The following PLPPR1 variants were observed in gnomAD, a reference collection of about 807,000 sequenced individuals.
PLPPR1 encodes phospholipid phosphatase related 1, also known as phospholipid phosphatase-related protein type 1.
In PLPPR1, 10 loss-of-function variants were observed where a neutral mutation model predicts 33.1. The observed-to-expected ratio is 0.30, with a 90% CI of 0.19 to 0.51. The LOEUF (loss-of-function observed/expected upper bound fraction) is 0.51, where lower values mean the gene tolerates loss of function less well. PLPPR1 is among the 20% of genes least tolerant of loss of function. The probability of loss-of-function intolerance (pLI) is 0.97; values close to 1 mark genes in which losing one functional copy is unlikely to be tolerated. For synonymous variants in PLPPR1, 151 were observed against 151.0 expected (o/e 1.00, Z 0.00); for missense variants, 304 against 408.1 (o/e 0.74, Z 2.20).
At chr9:101,238,293 CTATA>C (rs1307945596) in intron 2 of PLPPR1, among the ~76,000 whole-genome samples, 1 of 130,350 alleles carries the variant, frequency 7.7e-6, no homozygotes, top group South Asian at 2.5e-4. Flanking sequence ...TATACATACC[CTATA>C]TATATATAGG....
At chr9:101,164,390 T>C (rs1825819500) in intron 1 of PLPPR1, among the ~76,000 whole-genome samples, 2 of 150,460 alleles carry the variant, frequency 1.3e-5, no homozygotes, top group Non-Finnish European at 3.0e-5. Context: ...TGAGACAGTG[T>C]CTTGCTCTGT....
At chr9:101,287,261 T>C (rs891541382) in intron 4 of PLPPR1, among the ~76,000 whole-genome samples, 1 of 152,214 alleles carries the variant, frequency 6.6e-6, no homozygotes, top group Admixed American at 6.5e-5. Context: ...TTGCAGATTA[T>C]GCAAGTTTGC....
At chr9:101,082,344 T>A (rs555238360) in intron 1 of PLPPR1, among the ~76,000 whole-genome samples, 1 of 152,220 alleles carries the variant, frequency 6.6e-6, no homozygotes, top group East Asian at 1.9e-4. Context: ...TTGGGGGTAA[T>A]TTTTTTCTCT....
chr9:101,110,775 T>C (rs10819903), intron 1 of PLPPR1, among the ~76,000 whole-genome samples: 61,393 of 151,922 alleles, frequency 0.4, 13,183 homozygotes, highest in East Asian at 0.77. Flanking sequence ...AAAATATAGG[T>C]GTTTGCTTTT....
intron 2 of PLPPR1, among the ~76,000 whole-genome samples, chr9:101,239,550 A>G (rs1243214329): frequency 6.6e-6 from 1 of 152,030 alleles, no homozygotes; most frequent in African/African-American, 2.4e-5. Flanking sequence ...AAAAAACAGT[A>G]ACAGTTCCTT....
At chr9:101,198,891 A>G (rs911700210) in intron 2 of PLPPR1, among the ~76,000 whole-genome samples, 1 of 152,362 alleles carries the variant, frequency 6.6e-6, no homozygotes, top group African/African-American at 2.4e-5. Flanking sequence ...AGGTAGGCAG[A>G]GGCCAAATCA....
At chr9:101,234,726 C>A (rs1342234224) in intron 2 of PLPPR1, among the ~76,000 whole-genome samples, 1 of 151,842 alleles carries the variant, frequency 6.6e-6, no homozygotes. Context: ...CTTTGTCTGC[C>A]AATTACTTAG....
intron 1 of PLPPR1, among the ~76,000 whole-genome samples, chr9:101,034,903 C>T (rs897373246): frequency 2.0e-5 from 3 of 151,830 alleles, no homozygotes; most frequent in Admixed American, 6.6e-5. Context: ...ATATGGCAGG[C>T]GCAGACCAGC....
chr9:101,049,072 T>C (rs1469943841), intron 1 of PLPPR1, among the ~76,000 whole-genome samples: 1 of 152,202 alleles, frequency 6.6e-6, no homozygotes, highest in Non-Finnish European at 1.5e-5. Context: ...ATTTTAAAAT[T>C]TTGTTTTCAT....
At chr9:101,057,726 A>G (rs148387006) in intron 1 of PLPPR1, among the ~76,000 whole-genome samples, 48 of 152,308 alleles carry the variant, frequency 3.2e-4, no homozygotes, top group Middle Eastern at 3.4e-3. Context: ...TTAGTAAATA[A>G]GAAGCCTGGA....
chr9:101,263,378 C>G (rs1827934778), intron 2 of PLPPR1, among the ~76,000 whole-genome samples: 1 of 152,168 alleles, frequency 6.6e-6, no homozygotes, highest in South Asian at 2.1e-4. Context: ...TAGAATGAAG[C>G]ATGTAATTCC....
chr9:101,236,153 C>T (rs1479816249), intron 2 of PLPPR1, among the ~76,000 whole-genome samples: 2 of 151,596 alleles, frequency 1.3e-5, no homozygotes, highest in African/African-American at 4.8e-5. Flanking sequence ...CAAGTAATTG[C>T]CAGGGTTGTG....
chr9:101,174,706 T>C (rs894829819), intron 1 of PLPPR1, among the ~76,000 whole-genome samples: 1 of 152,186 alleles, frequency 6.6e-6, no homozygotes, highest in East Asian at 1.9e-4. Context: ...TGATTATATT[T>C]CTCATAAACA....
In PLPPR1 at chr9:101,274,191, A is replaced by C. The variant is rs568610904; in HGVS notation, c.252+4123A>C. Among the ~76,000 whole-genome samples, 8 of 152,224 alleles carry C rather than the reference A, an allele frequency of 5.3e-5. No individual in the cohort carries two copies. In the South Asian group the frequency reaches 1.5e-3, roughly 28 times the overall value. Reference sequence around the variant, plus strand: ...TTCATTCCTTTGATAATACTGACAAACCCCCCAAATATATTACATAAATGA... The same window carrying C: ...TTCATTCCTTTGATAATACTGACAACCCCCCCAAATATATTACATAAATGA... On this transcript the variant is annotated intron_variant, in intron 3 of 7. Transcript: ENST00000374874.
intron 2 of PLPPR1, among the ~76,000 whole-genome samples, chr9:101,229,672 C>G (rs1207202224): frequency 1.3e-5 from 2 of 151,988 alleles, no homozygotes; most frequent in Non-Finnish European, 2.9e-5. Flanking sequence ...CATTTGAAAA[C>G]TTTCATCTTT....
intron 1 of PLPPR1, among the ~76,000 whole-genome samples, chr9:101,030,792 G>A (rs1216000015): frequency 6.6e-6 from 1 of 151,966 alleles, no homozygotes; most frequent in African/African-American, 2.4e-5. Context: ...TCTGCTGCTT[G>A]GGATGGGGAC....
intron 2 of PLPPR1, among the ~76,000 whole-genome samples, chr9:101,258,272 T>C (rs539990131): frequency 1.3e-5 from 2 of 152,302 alleles, no homozygotes; most frequent in East Asian, 1.9e-4. Context: ...GTGGTGTCTG[T>C]CCATCCTTCC....
intron 2 of PLPPR1, among the ~76,000 whole-genome samples, chr9:101,215,037 A>G (rs533771684): frequency 1.2e-4 from 18 of 151,970 alleles, no homozygotes; most frequent in Admixed American, 2.0e-4. Context: ...AAAAAAAAAA[A>G]AAAGAAAGAA....
chr9:101,311,508 CAG>C (rs1310398399), intron 5 of PLPPR1, among the ~76,000 whole-genome samples: 3 of 152,150 alleles, frequency 2.0e-5, no homozygotes, highest in Non-Finnish European at 4.4e-5. Flanking sequence ...AGATTTATGA[CAG>C]ATATAATTGG....
Sources: gnomAD v4.1 joint callset for allele counts (sites outside exome capture counted in the v4.1 genomes callset) on GRCh38, gnomAD v4.1.1 for gene constraint, MANE v1.5 for transcripts, NCBI Gene and HGNC (gene_info 2026-07-23, HGNC 2026-07-21) for gene names.